RFX3: variants seen among roughly 807,000 people sequenced by gnomAD.
RFX3 encodes the protein regulatory factor X3.
In RFX3, 14 loss-of-function variants were observed where a neutral mutation model predicts 98.6. That is an observed-to-expected ratio of 0.14 (90% CI 0.09 to 0.22). RFX3 has a LOEUF of 0.22. Among genes scored for constraint, RFX3 ranks in the 10% least tolerant of loss-of-function variants. The probability of loss-of-function intolerance (pLI) is 1.00; values close to 1 mark genes in which losing one functional copy is unlikely to be tolerated. For synonymous variants in RFX3, 383 were observed against 328.4 expected (o/e 1.17, Z -1.80); for missense variants, 639 against 926.9 (o/e 0.69, Z 4.03).
At chr9:3,457,850 T>C (rs1462474110) in intron 1 of RFX3, among the ~76,000 whole-genome samples, 1 of 152,152 alleles carries the variant, frequency 6.6e-6, no homozygotes, top group Non-Finnish European at 1.5e-5. Flanking sequence ...GCCTGAGATC[T>C]ATCTAGTCGC....
At chr9:3,392,493 A>G (rs951722794) in intron 2 of RFX3, among the ~76,000 whole-genome samples, 7 of 151,930 alleles carry the variant, frequency 4.6e-5, no homozygotes, top group African/African-American at 1.4e-4. Flanking sequence ...GAACAATGAA[A>G]TTGAAAATAG....
chr9:3,291,952 G>T (rs572523516), intron 6 of RFX3, among the ~76,000 whole-genome samples: 4 of 150,872 alleles, frequency 2.7e-5, no homozygotes, highest in African/African-American at 9.7e-5. Context: ...AGCTACTTGG[G>T]AGGCTAAGGC....
At position 3,415,233 on chromosome 9, in the gene RFX3, G is replaced by A. The variant is rs1312065469; in HGVS notation, c.-8-19637C>T. On this transcript the variant is annotated intron_variant, in intron 1 of 16. Coordinates refer to ENST00000617270, the MANE Select transcript of RFX3 (RefSeq NM_001282116.2). The stretch of plus-strand genomic sequence containing the variant: ...TACATACTCATATATATATATATAA[G>A]AGTTGGGATCTTGCTCTGTTGCCCA... 2.1e-5 allele frequency among the ~76,000 whole-genome samples: 3 copies of A among 142,376 alleles called. No individual in the cohort carries two copies. The Admixed American group carries it at 2.2e-4, about 10-fold the overall frequency. The allele number at this position is 142,376 out of a possible 152,430, so 93.4% of individuals were successfully genotyped here.
intron 7 of RFX3, among the ~76,000 whole-genome samples, chr9:3,283,142 CATCA>C (rs1223579307): frequency 2.0e-5 from 3 of 151,630 alleles, no homozygotes; most frequent in African/African-American, 7.3e-5. Flanking sequence ...AAACTATTAA[CATCA>C]ATCAAAGTTA....
chr9:3,302,994 T>C (rs1302883927), intron 4 of RFX3, among the ~76,000 whole-genome samples: 3 of 151,808 alleles, frequency 2.0e-5, no homozygotes, highest in Non-Finnish European at 4.4e-5. Context: ...TTAAAATAGA[T>C]ATTAAATTAA....
intron 7 of RFX3, among the ~76,000 whole-genome samples, chr9:3,283,368 A>G (rs1450365676): frequency 2.0e-5 from 3 of 151,780 alleles, no homozygotes; most frequent in African/African-American, 2.4e-5. Flanking sequence ...TTGAACTTCA[A>G]AACAATCTGT....
intron 1 of RFX3, among the ~76,000 whole-genome samples, chr9:3,414,354 T>C (rs574599766): frequency 2.6e-5 from 4 of 152,028 alleles, no homozygotes; most frequent in Non-Finnish European, 4.4e-5. Context: ...AGTAAAGTCA[T>C]TATCTTGCAA....
intron 1 of RFX3, among the ~76,000 whole-genome samples, chr9:3,453,951 A>G (rs1475477384): frequency 2.6e-5 from 4 of 152,138 alleles, no homozygotes; most frequent in African/African-American, 9.7e-5. Flanking sequence ...TAACTTGGGC[A>G]TCAGTTTTTG....
At chr9:3,468,833 A>G (rs1848542673) in intron 1 of RFX3, among the ~76,000 whole-genome samples, 2 of 148,174 alleles carry the variant, frequency 1.3e-5, no homozygotes, top group Admixed American at 1.4e-4. Context: ...AAAAAAAAAG[A>G]AAAAAGAAAA....
chr9:3,260,020 G>T lies in RFX3; in HGVS notation c.1606-2821C>A, dbSNP rs76165595. On this transcript the variant is annotated intron_variant, in intron 13 of 16. Coordinates refer to ENST00000617270, the MANE Select transcript of RFX3 (RefSeq NM_001282116.2). ...GATAAAGGTAAAATGGGAGGCAAGG[G>T]ACTCTGGGAAAATCTGGCAAAACTA... is the stretch of plus-strand genomic sequence containing the variant. Among the ~76,000 whole-genome samples, 985 of 152,040 alleles carry T rather than the reference G, an allele frequency of 6.5e-3. 3 individuals carry two copies. Among genetic ancestry groups the T allele is most frequent in the African/African-American group, 0.023 (934 of 41,500 alleles).
At chr9:3,474,353 ACAGT>A (rs944276873) in intron 1 of RFX3, among the ~76,000 whole-genome samples, 10 of 152,200 alleles carry the variant, frequency 6.6e-5, no homozygotes, top group African/African-American at 2.2e-4. Flanking sequence ...TTTTCTATTA[ACAGT>A]CAAACTACAA....
intron 2 of RFX3, among the ~76,000 whole-genome samples, chr9:3,383,954 C>T (rs1040775777): frequency 6.6e-6 from 1 of 152,062 alleles, no homozygotes; most frequent in African/African-American, 2.4e-5. Context: ...TTTTCAGGGA[C>T]AGAAAAGTAA....
chr9:3,470,476 G>A (rs1219919210), intron 1 of RFX3, among the ~76,000 whole-genome samples: 2 of 147,558 alleles, frequency 1.4e-5, no homozygotes, highest in Admixed American at 6.7e-5. Flanking sequence ...CACCACACCC[G>A]GCTAATTTTT....
intron 1 of RFX3, among the ~76,000 whole-genome samples, chr9:3,478,370 A>G (rs955999335): frequency 4.9e-5 from 7 of 143,014 alleles, no homozygotes; most frequent in African/African-American, 1.0e-4. Flanking sequence ...CAGATCCTGT[A>G]TTCCCCGTAG....
At chr9:3,347,828 A>G (rs1834614311) in intron 2 of RFX3, among the ~76,000 whole-genome samples, 1 of 152,206 alleles carries the variant, frequency 6.6e-6, no homozygotes, top group African/African-American at 2.4e-5. Context: ...CTCTGTCTCA[A>G]AAAAACAAAG....
At chr9:3,226,878 T>C (rs1180799578) in intron 16 of RFX3, among the ~76,000 whole-genome samples, 3 of 152,208 alleles carry the variant, frequency 2.0e-5, no homozygotes, top group Non-Finnish European at 4.4e-5. Flanking sequence ...AGCTTCACTT[T>C]CTATAGTTTC....
chr9:3,461,429 C>G (rs1847674612), intron 1 of RFX3, among the ~76,000 whole-genome samples: 1 of 151,916 alleles, frequency 6.6e-6, no homozygotes, highest in Non-Finnish European at 1.5e-5. Flanking sequence ...AAAAAGTCAT[C>G]CAACGAGGTC....
chr9:3,308,013 C>T (rs1829531916), intron 4 of RFX3, among the ~76,000 whole-genome samples: 1 of 152,040 alleles, frequency 6.6e-6, no homozygotes, highest in African/African-American at 2.4e-5. Context: ...GGATAGTAAA[C>T]ATTCTCCATT....
intron 1 of RFX3, among the ~76,000 whole-genome samples, chr9:3,405,964 T>C (rs1270905768): frequency 6.7e-6 from 1 of 150,366 alleles, no homozygotes; most frequent in South Asian, 2.1e-4. Flanking sequence ...TCTTGTTTTG[T>C]TTTTTTTTGA....
Sources: allele counts gnomAD v4.1 joint callset (sites outside exome capture counted in the v4.1 genomes callset), GRCh38; gene constraint gnomAD v4.1.1; transcripts MANE v1.5; gene names NCBI Gene and HGNC (gene_info 2026-07-23, HGNC 2026-07-21).